Variants in LRRC49 observed in about 807,000 individuals in gnomAD.
The protein encoded by LRRC49 is leucine rich repeat containing 49.
A neutral mutation model predicts 83.3 loss-of-function variants in LRRC49; 50 were observed. The ratio of observed to expected loss-of-function variants is 0.60; its 90% CI spans 0.48 to 0.76. The LOEUF is 0.76. Ranked by LOEUF, LRRC49 falls within the 30% of genes least tolerant of loss-of-function variation. LRRC49 has a pLI of 0.00. For missense variants in LRRC49, 704 were observed against 809.1 expected (o/e 0.87, Z 1.58); for synonymous variants, 286 against 283.3 (o/e 1.01, Z -0.10).
intron 8 of LRRC49, 130 bp from the exon 9 acceptor site, chr15:70,963,655 T>A (rs1466362307): frequency 2.2e-6 from 2 of 923,814 alleles, no homozygotes; most frequent in Admixed American, 4.6e-5. Context: ...GTATGGGGTA[T>A]AGGGGAACTC....
At chr15:70,995,484 T>C (rs886463501) in intron 11 of LRRC49, among the ~76,000 whole-genome samples, 1 of 152,196 alleles carries the variant, frequency 6.6e-6, no homozygotes, top group African/African-American at 2.4e-5. Flanking sequence ...GAGAGATCCG[T>C]TGAAGCCATT....
chr15:70,878,050 G>A (rs564540443), intron 2 of LRRC49, among the ~76,000 whole-genome samples: 2 of 152,096 alleles, frequency 1.3e-5, no homozygotes, highest in African/African-American at 2.4e-5. Context: ...GGAGAATGGC[G>A]TGAACCCGGG....
chr15:70,908,052 C>T (rs2034392620), intron 5 of LRRC49: 1 of 455,594 alleles, frequency 2.2e-6, no homozygotes, highest in Non-Finnish European at 4.4e-6. Context: ...CCAAAGGCAA[C>T]TCATGAGAAC....
In LRRC49 at chr15:71,012,794, GTC is replaced by G. The variant is rs762152600; in HGVS notation, c.1594-6_1594-5del. 1 of 1,541,684 alleles carries G rather than the reference GTC, an allele frequency of 6.5e-7. No homozygotes were observed. Among genetic ancestry groups the G allele is most frequent in the Non-Finnish European group, 8.9e-7 (1 of 1,120,854 alleles). ...TCATTTTTTTACCCCTTTCTATTGT[GTC>G]TCTTCAGGTGACACAGAATGATATG... On this transcript the variant is annotated splice_polypyrimidine_tract_variant and splice_region_variant and intron_variant, in intron 13 of 15. Coordinates refer to ENST00000260382, the MANE Select transcript of LRRC49 (RefSeq NM_017691.5).
intron 11 of LRRC49, among the ~76,000 whole-genome samples, chr15:70,985,372 G>T (rs2037567887): frequency 6.6e-6 from 1 of 151,960 alleles, no homozygotes; most frequent in Non-Finnish European, 1.5e-5. Context: ...GCATTTCTCT[G>T]ATGGCCAGTG....
intron 14 of LRRC49, among the ~76,000 whole-genome samples, chr15:71,023,177 TGG>T: frequency 6.6e-6 from 1 of 151,978 alleles, no homozygotes; most frequent in South Asian, 2.1e-4. Context: ...AGCCTTGCAA[TGG>T]GTATAGTGGG....
chr15:70,948,452 G>A (rs1567065247), intron 8 of LRRC49, among the ~76,000 whole-genome samples: 1 of 151,336 alleles, frequency 6.6e-6, no homozygotes, highest in Non-Finnish European at 1.5e-5. Context: ...TATTACAGGG[G>A]GTCATACTTT....
rs547671074 is a variant in LRRC49 at position 70,893,622 on chromosome 15, G to A, written c.87G>A (p.Ser29=). The change falls in exon 2 of 16, where the codon TCG becomes TCA. Residue 29 remains serine, a synonymous_variant. Transcript: ENST00000260382. ...TTCATCTGGTTATTCAAACATCATC[G>A]CTTCCTGAAAAAAACAAAGTAAGAT... ...CGLHLVIQTS[S]LPEKNKVEFK... 13 of 1,608,186 alleles carry A rather than the reference G, an allele frequency of 8.1e-6. No homozygotes were observed. Among genetic ancestry groups the A allele is most frequent in the Non-Finnish European group, 1.1e-5 (13 of 1,177,676 alleles).
At chr15:70,968,550 A>G (rs907203161) in intron 9 of LRRC49, among the ~76,000 whole-genome samples, 44 of 152,282 alleles carry the variant, frequency 2.9e-4, no homozygotes, top group African/African-American at 1.0e-3. Context: ...TCCTTGAGGA[A>G]TTGCTGCACT....
intron 14 of LRRC49, among the ~76,000 whole-genome samples, chr15:71,031,672 GAAT>G (rs2039356226): frequency 6.6e-6 from 1 of 152,204 alleles, no homozygotes; most frequent in Non-Finnish European, 1.5e-5. Context: ...GTAAGCCCCT[GAAT>G]GGGGCTGTTA....
At chr15:70,866,724 G>C (rs1424557567) in intron 1 of LRRC49, among the ~76,000 whole-genome samples, 2 of 152,100 alleles carry the variant, frequency 1.3e-5, no homozygotes, top group Non-Finnish European at 2.9e-5. Flanking sequence ...TGGCTAAGCA[G>C]CACTGGACCA....
In LRRC49 at chr15:70,864,736, G is replaced by C. The variant is rs576264111; in HGVS notation, c.-298-8172G>C. Among the ~76,000 whole-genome samples the C allele has an allele frequency of 2.6e-5, 4 of 152,288 alleles. No individual in the cohort carries two copies. In the East Asian group the frequency reaches 7.7e-4, roughly 29 times the overall value. On this transcript the variant is annotated intron_variant, in intron 1 of 16. Coordinates refer to the LRRC49 transcript ENST00000544974. ...TTTAGTGTACGGGACATTCAATGCT[G>C]TCCATAAACTCAGATGTGGAGAAAA...
At chr15:70,903,077 C>A (rs1270328842) in intron 4 of LRRC49, among the ~76,000 whole-genome samples, 1 of 151,634 alleles carries the variant, frequency 6.6e-6, no homozygotes, top group Non-Finnish European at 1.5e-5. Flanking sequence ...TAGTGATGAC[C>A]GATTCAAGAA....
chr15:71,009,569 C>G (rs1387505606), intron 12 of LRRC49: 1 of 352,248 alleles, frequency 2.8e-6, no homozygotes, highest in Non-Finnish European at 5.1e-6. Context: ...GTGAGACTGT[C>G]ATTTGTAGAA....
At chr15:70,964,090 C>G (rs2036707828) in intron 9 of LRRC49, among the ~76,000 whole-genome samples, 158 bp downstream of exon 9, 1 of 152,090 alleles carries the variant, frequency 6.6e-6, no homozygotes, top group African/African-American at 2.4e-5. Context: ...TTTTTACTGC[C>G]TGATCCCATC....
rs556638092 is a variant in LRRC49 at position 70,934,252 on chromosome 15, C to A, written c.712-2509C>A. ...GCATAGATAATTGATACGGTAAATACGGTGTTTTCTTTTTGTCTATTATAA... is the reference window on the plus strand; with the variant it reads ...GCATAGATAATTGATACGGTAAATAAGGTGTTTTCTTTTTGTCTATTATAA... On this transcript the variant is annotated intron_variant, in intron 7 of 15. Transcript: ENST00000260382. 1.5e-4 allele frequency among the ~76,000 whole-genome samples: 23 copies of A among 152,140 alleles called. No individual in the cohort carries two copies. In the South Asian group the frequency reaches 4.6e-3, roughly 30 times the overall value.
intron 9 of LRRC49, among the ~76,000 whole-genome samples, chr15:70,968,084 A>C (rs537430432): frequency 6.6e-6 from 1 of 151,988 alleles, no homozygotes; most frequent in African/African-American, 2.4e-5. Flanking sequence ...GGTTTGCTGC[A>C]CCTATCAACC....
At chr15:70,961,059 A>T (rs576324667) in intron 8 of LRRC49, among the ~76,000 whole-genome samples, 13 of 152,224 alleles carry the variant, frequency 8.5e-5, no homozygotes, top group Non-Finnish European at 1.3e-4. Context: ...TCCAAATTTT[A>T]AAAAAATCTT....
intron 8 of LRRC49, among the ~76,000 whole-genome samples, chr15:70,950,422 A>G (rs1163122207): frequency 6.6e-6 from 1 of 152,144 alleles, no homozygotes; most frequent in Non-Finnish European, 1.5e-5. Context: ...CCAGCAGTGT[A>G]TAAGTGTTCC....
Sources: gnomAD v4.1 joint callset for allele counts (sites outside exome capture counted in the v4.1 genomes callset) on GRCh38, gnomAD v4.1.1 for gene constraint, MANE v1.5 for transcripts, NCBI Gene and HGNC (gene_info 2026-07-23, HGNC 2026-07-21) for gene names.